Variants in ZFP30 observed in about 807,000 individuals in gnomAD.
ZFP30 encodes the protein zinc finger protein 30 homolog.
A neutral mutation model predicts 12.3 loss-of-function variants in ZFP30; 16 were observed. The ratio of observed to expected loss-of-function variants is 1.30; its 90% CI spans 0.88 to 1.98. The LOEUF is 1.98. Among genes scored for constraint, ZFP30 ranks in the 30% most tolerant of loss-of-function variants. The pLI is 0.00. For missense variants in ZFP30, 560 were observed against 611.2 expected, an observed-to-expected ratio of 0.92 and a Z score of 0.88; for synonymous variants, 172 against 201.0, an observed-to-expected ratio of 0.86 and a Z score of 1.22.
At chr19:37,650,124 A>AT (rs879828813) in intron 2 of ZFP30, among the ~76,000 whole-genome samples, 224 of 140,756 alleles carry the variant, frequency 1.6e-3, no homozygotes, top group Middle Eastern at 3.8e-3. Flanking sequence ...GAATCTTTAC[A>AT]TTTTTTTTTT....
At position 37,635,720 on chromosome 19, in the gene ZFP30, T is replaced by C. The variant is rs751608518; in HGVS notation, c.821A>G (p.Glu274Gly). The C allele has an allele frequency of 3.1e-6, 5 of 1,614,226 alleles. No individual in the cohort carries two copies. Among genetic ancestry groups the C allele is most frequent in the Non-Finnish European group, 4.2e-6 (5 of 1,180,046 alleles). Reference protein sequence around the residue: ...HTGEKPYECKECGKAFRQYAH... With the variant: ...HTGEKPYECKGCGKAFRQYAH... ...ATACTGCCTAAAGGCCTTCCCACAT[T>C]CTTTACATTCATAGGGTTTCTCACC... The change falls in exon 6 of 6, where the codon GAA becomes GGA. Residue 274 changes from glutamate to glycine, a missense_variant. By Grantham distance (98) the Glu-to-Gly change is moderately conservative. Transcript: ENST00000684514.
Position 37,631,207 on chromosome 19 carries a change from T to C in ZFP30, c.*3774A>G, listed in dbSNP as rs1341406747. Reference sequence around the variant, plus strand: ...TGGTTACAGCACTTATCTGTTAAAATGGGTTCATATCCCATACTCACAAGC... The same window carrying C: ...TGGTTACAGCACTTATCTGTTAAAACGGGTTCATATCCCATACTCACAAGC... On this transcript the variant is annotated 3_prime_UTR_variant, in exon 6 of 6. Coordinates refer to ENST00000684514, the MANE Select transcript of ZFP30 (RefSeq NM_001320669.3). 6.6e-6 allele frequency: 1 copy of C among 152,214 alleles called. No homozygotes were observed. Among genetic ancestry groups the C allele is most frequent in the Admixed American group, 6.5e-5 (1 of 15,270 alleles). The allele number at this position is 152,214 out of a possible 1,614,324, so 9.4% of individuals were successfully genotyped here.
At chr19:37,641,874 C>T (rs1007467153) in intron 5 of ZFP30, among the ~76,000 whole-genome samples, 6 of 152,130 alleles carry the variant, frequency 3.9e-5, no homozygotes, top group African/African-American at 1.4e-4. Context: ...GTTGAAGAAC[C>T]TGTTTTTGGT....
intron 2 of ZFP30, 93 bp from the exon 3 acceptor site, chr19:37,647,992 A>C: frequency 3.1e-6 from 2 of 652,176 alleles, no homozygotes; most frequent in Non-Finnish European, 5.3e-6. Flanking sequence ...CCTATATGCA[A>C]CTCCCACCCC....
chr19:37,635,871 T>C lies in ZFP30; in HGVS notation c.670A>G (p.Thr224Ala), dbSNP rs2044314102. The C allele has an allele frequency of 6.2e-7, 1 of 1,614,100 alleles. No homozygotes were observed. The highest frequency in any genetic ancestry group is 8.5e-7 in the Non-Finnish European group (1 of 1,180,058). ...YECKKCGKIFTCGSDLRVHQR... is the reference protein window; with the variant it reads ...YECKKCGKIFACGSDLRVHQR... ...TGTACTCGAAGGTCTGAGCCACATGTGAAGATCTTTCCACATTTTTTACAT... is the reference window on the plus strand; with the variant it reads ...TGTACTCGAAGGTCTGAGCCACATGCGAAGATCTTTCCACATTTTTTACAT... The change falls in exon 6 of 6, where the codon ACA (threonine) becomes GCA (alanine). Residue 224 changes from threonine (T) to alanine (A), a missense_variant. Transcript: ENST00000684514.
At chr19:37,655,733 T>C (rs1367552683), upstream of ZFP30, 1 of 152,190 alleles carries the variant, frequency 6.6e-6, no homozygotes, top group East Asian at 1.9e-4. Flanking sequence ...AAAAACAATA[T>C]TCCGCCTTTT....
chr19:37,635,877 T>A lies in ZFP30; in HGVS notation c.664A>T (p.Ile222Phe). 1 of 1,614,172 alleles carries A rather than the reference T, an allele frequency of 6.2e-7. No homozygotes were observed. The highest frequency in any genetic ancestry group is 8.5e-7 in the Non-Finnish European group (1 of 1,180,022). ...CGAAGGTCTGAGCCACATGTGAAGA[T>A]CTTTCCACATTTTTTACATTCATAG... ...KLYECKKCGK[I>F]FTCGSDLRVH... Residue 222 changes from isoleucine (I) to phenylalanine (F), a missense_variant, in exon 6 of 6, where the codon ATC becomes TTC. Transcript: ENST00000684514.
chr19:37,653,806 C>T (rs2044700009), intron 2 of ZFP30, among the ~76,000 whole-genome samples: 1 of 152,166 alleles, frequency 6.6e-6, no homozygotes, highest in Admixed American at 6.5e-5. Flanking sequence ...ATACATACAA[C>T]AATTCTGTAT....
intron 4 of ZFP30, among the ~76,000 whole-genome samples, chr19:37,643,969 T>C (rs1176912322): frequency 6.6e-6 from 1 of 152,190 alleles, no homozygotes; most frequent in Non-Finnish European, 1.5e-5. Flanking sequence ...AAAAGCTCTT[T>C]TAATAGCTAT....
Position 37,635,157 on chromosome 19 carries a change from C to T in ZFP30, c.1384G>A (p.Gly462Ser). 1 of 1,611,982 alleles carries T rather than the reference C, an allele frequency of 6.2e-7. No individual in the cohort carries two copies. The change falls in exon 6 of 6, where the codon GGT becomes AGT. Residue 462 changes from glycine to serine, a missense_variant. Gly to Ser is a moderately conservative substitution (Grantham distance 56). Transcript: ENST00000684514. ...TCCTTACAGTCATAGGGCTTTTCACCAGTATGAATACTTTGATGTTGGGTA... is the reference window on the plus strand; with the variant it reads ...TCCTTACAGTCATAGGGCTTTTCACTAGTATGAATACTTTGATGTTGGGTA... Reference protein sequence around the residue: ...QLTQHQSIHTGEKPYDCKECG... With the variant: ...QLTQHQSIHTSEKPYDCKECG...
At chr19:37,637,200 T>A (rs1373455897) in intron 5 of ZFP30, among the ~76,000 whole-genome samples, 1 of 151,314 alleles carries the variant, frequency 6.6e-6, no homozygotes, top group East Asian at 1.9e-4. Flanking sequence ...TTTTTCTTTT[T>A]TTCTTTTTTT....
chr19:37,644,925 A>C (rs1226670318), intron 3 of ZFP30, among the ~76,000 whole-genome samples, 189 bp from the exon 4 acceptor site: 1 of 151,848 alleles, frequency 6.6e-6, no homozygotes, highest in Non-Finnish European at 1.5e-5. Flanking sequence ...TCAAAAAAAA[A>C]GGCCGGCGCG....
Position 37,634,982 on chromosome 19 carries a change from TAA to T in ZFP30, c.1557_1558del (p.Ter520IlefsTer13), listed in dbSNP as rs1423682566. 1 of 1,535,484 alleles carries T rather than the reference TAA, an allele frequency of 6.5e-7. No homozygotes were observed. The highest frequency in any genetic ancestry group is 1.4e-5 in the African/African-American group (1 of 72,234). On this transcript the variant is annotated frameshift_variant and stop_lost, in exon 6 of 6. Transcript: ENST00000684514. LOFTEE classifies it high-confidence loss of function. Reference sequence around the variant, plus strand: ...GCAAAGGAAGAGTTCTAATAATTATTAAGTTACATTATGAATTCGCTGATGGT... The same window carrying T: ...GCAAAGGAAGAGTTCTAATAATTATTGTTACATTATGAATTCGCTGATGGT...
In ZFP30 at chr19:37,644,770, T is replaced by C. The variant is rs369628797; in HGVS notation, c.10-34A>G. 44 of 1,589,592 alleles carry C rather than the reference T, an allele frequency of 2.8e-5. No individual in the cohort carries two copies. The South Asian group carries it at 3.1e-4, about 11-fold the overall frequency. On this transcript the variant is annotated intron_variant, in intron 3 of 5. Coordinates refer to ENST00000684514, the MANE Select transcript of ZFP30 (RefSeq NM_001320669.3). ...ATAAACGCATGTATTATTTGTAAGA[T>C]AAATGAAAATATTTTGAAGATGGAA...
intron 2 of ZFP30, among the ~76,000 whole-genome samples, chr19:37,651,231 A>T (rs1670897765): frequency 6.6e-6 from 1 of 152,144 alleles, no homozygotes; most frequent in East Asian, 1.9e-4. Context: ...AGAAATTATC[A>T]TTAATTCATT....
At chr19:37,643,882 GTC>G (rs761469261) in intron 4 of ZFP30, among the ~76,000 whole-genome samples, 8 of 152,120 alleles carry the variant, frequency 5.3e-5, no homozygotes, top group Admixed American at 2.0e-4. Context: ...GTTAAAATAT[GTC>G]TGTTGTAGGA....
At chr19:37,642,063 C>T (rs563171788) in intron 5 of ZFP30, among the ~76,000 whole-genome samples, 2 of 152,322 alleles carry the variant, frequency 1.3e-5, no homozygotes, top group East Asian at 1.9e-4. Context: ...AGAAACAACA[C>T]CCGATTGCCT....
At chr19:37,648,058 C>T (rs1383227255) in intron 2 of ZFP30, among the ~76,000 whole-genome samples, 159 bp from the exon 3 acceptor site, 3 of 152,200 alleles carry the variant, frequency 2.0e-5, no homozygotes, top group Non-Finnish European at 4.4e-5. Flanking sequence ...GATGTCCTCC[C>T]CAAAACCACA....
chr19:37,640,082 C>T (rs560888843), intron 5 of ZFP30, among the ~76,000 whole-genome samples: 8 of 152,268 alleles, frequency 5.3e-5, no homozygotes, highest in African/African-American at 1.7e-4. Context: ...ATTGGCTATA[C>T]ATAAACATTT....
Sources: allele counts gnomAD v4.1 joint callset (sites outside exome capture counted in the v4.1 genomes callset), GRCh38; gene constraint gnomAD v4.1.1; transcripts MANE v1.5; gene names NCBI Gene and HGNC (gene_info 2026-07-23, HGNC 2026-07-21).